SCRG1: variants seen among roughly 807,000 people sequenced by gnomAD.
The protein encoded by SCRG1 is stimulator of chondrogenesis 1.
A neutral mutation model predicts 7.7 loss-of-function variants in SCRG1; 3 were observed. The ratio of observed to expected loss-of-function variants is 0.39; its 90% CI spans 0.18 to 1.01. The LOEUF is 1.01. SCRG1 is among the 50% of genes least tolerant of loss of function. The pLI is 0.36. For synonymous variants in SCRG1, 46 were observed against 41.2 expected (o/e 1.12, Z -0.44); for missense variants, 110 against 117.2 (o/e 0.94, Z 0.28).
the SCRG1 span, among the ~76,000 whole-genome samples, chr4:173,432,370 G>A: frequency 1.5e-5 from 2 of 135,846 alleles, no homozygotes; most frequent in African/African-American, 5.6e-5. Flanking sequence ...CTATAAAAGG[G>A]AGATTCCTCT....
At position 173,386,301 on chromosome 4, in the gene SCRG1, A is replaced by ATTTTTTT. The variant is rs11302799; in HGVS notation, c.*2033_*2039dup. ...AGGCGCCTGCCACCACGCCCAGCTA[A>ATTTTTTT]TTTTTTTTTTTTTTTTTTTTGTATT... On this transcript the variant is annotated 3_prime_UTR_variant, in exon 3 of 3. Transcript: ENST00000296506. 4 of 116,998 alleles carry ATTTTTTT rather than the reference A, an allele frequency of 3.4e-5. No individual in the cohort carries two copies. The highest frequency in any genetic ancestry group is 1.2e-4 in the African/African-American group (4 of 32,572). The allele number at this position is 116,998 out of a possible 1,614,324, so 7.2% of individuals were successfully genotyped here. A position where few individuals can be genotyped will look rare whatever the true frequency, so the allele number is the denominator to read the frequency against.
At chr4:173,465,551 CCT>C in the SCRG1 span, among the ~76,000 whole-genome samples, 1 of 151,922 alleles carries the variant, frequency 6.6e-6, no homozygotes, top group Non-Finnish European at 1.5e-5. Context: ...GGATGTCCCT[CCT>C]GTGATATCAT....
the SCRG1 span, among the ~76,000 whole-genome samples, chr4:173,459,905 C>CA: frequency 1.3e-4 from 19 of 151,700 alleles, no homozygotes; most frequent in African/African-American, 4.4e-4. Flanking sequence ...GTTTCCAACA[C>CA]AAAAAAAAAA....
chr4:173,410,697 A>C (rs1367370267), upstream of SCRG1, among the ~76,000 whole-genome samples: 1 of 152,228 alleles, frequency 6.6e-6, no homozygotes, highest in Non-Finnish European at 1.5e-5. Context: ...ATCCCTACAG[A>C]TTATATTTAA....
the SCRG1 span, among the ~76,000 whole-genome samples, chr4:173,452,493 C>T: frequency 1.1e-4 from 16 of 152,022 alleles, no homozygotes; most frequent in Non-Finnish European, 1.8e-4. Context: ...TTTAGCTAGC[C>T]GCAATGTTCT....
chr4:173,491,930 G>C, the SCRG1 span, among the ~76,000 whole-genome samples: 1 of 152,100 alleles, frequency 6.6e-6, no homozygotes. Context: ...AGGAGTTTGA[G>C]ACAAGCCTGG....
the SCRG1 span, among the ~76,000 whole-genome samples, chr4:173,517,882 C>G: frequency 1.3e-5 from 2 of 152,254 alleles, no homozygotes; most frequent in Non-Finnish European, 2.9e-5. Context: ...GGCGAAAGCT[C>G]CCTCCTGGGC....
At chr4:173,403,037 A>C (rs946184621), upstream of SCRG1, 11 of 152,216 alleles carry the variant, frequency 7.2e-5, no homozygotes, top group Non-Finnish European at 1.6e-4. Flanking sequence ...AACTATATAA[A>C]GTTTCCCTTA....
At chr4:173,429,675 G>C in the SCRG1 span, among the ~76,000 whole-genome samples, 1 of 152,298 alleles carries the variant, frequency 6.6e-6, no homozygotes, top group South Asian at 2.1e-4. Context: ...ATTGTCGATT[G>C]AGACAGGCAC....
At chr4:173,503,494 T>A in the SCRG1 span, among the ~76,000 whole-genome samples, 1 of 150,780 alleles carries the variant, frequency 6.6e-6, no homozygotes, top group South Asian at 2.1e-4. This position sits in a 1 kb window ranked among gnomAD's most constrained non-coding sequence, Gnocchi z 6.4. Flanking sequence ...GGGAGGGGAG[T>A]GTTGCAAGGG....
chr4:173,389,420 C>T (rs556669258), intron 2 of SCRG1, among the ~76,000 whole-genome samples: 2 of 152,220 alleles, frequency 1.3e-5, no homozygotes, highest in South Asian at 2.1e-4. Flanking sequence ...CCTGTAGTCC[C>T]AGCTACTCGA....
At chr4:173,416,380 T>C in the SCRG1 span, among the ~76,000 whole-genome samples, 1 of 152,268 alleles carries the variant, frequency 6.6e-6, no homozygotes, top group Admixed American at 6.5e-5. Context: ...TGTGCCCATC[T>C]TGTGGCTGCT....
the SCRG1 span, among the ~76,000 whole-genome samples, chr4:173,485,044 TATATA>T: frequency 6.0e-5 from 1 of 16,732 alleles, no homozygotes; most frequent in African/African-American, 1.9e-4. Flanking sequence ...TATTATATAT[TATATA>T]ATATATTATA....
chr4:173,409,021 A>AAAAGAAAAGG (rs1477386953), upstream of SCRG1, among the ~76,000 whole-genome samples: 2 of 151,468 alleles, frequency 1.3e-5, no homozygotes, highest in Non-Finnish European at 2.9e-5. Flanking sequence ...AAAAGAAAAG[A>AAAAGAAAAGG]AAAGAAAAAG....
At chr4:173,481,910 T>C in the SCRG1 span, among the ~76,000 whole-genome samples, 1 of 152,130 alleles carries the variant, frequency 6.6e-6, no homozygotes, top group Non-Finnish European at 1.5e-5. Flanking sequence ...ACACTCAGAT[T>C]TTTGACTGCA....
upstream of SCRG1, among the ~76,000 whole-genome samples, chr4:173,401,977 G>T (rs1739773045): frequency 6.6e-6 from 1 of 152,138 alleles, no homozygotes; most frequent in African/African-American, 2.4e-5. Flanking sequence ...TTAATTTGTG[G>T]CTCAAATCTG....
chr4:173,495,767 T>A, the SCRG1 span, among the ~76,000 whole-genome samples: 1 of 152,206 alleles, frequency 6.6e-6, no homozygotes, highest in Non-Finnish European at 1.5e-5. Flanking sequence ...AAACATATCA[T>A]GGACAATTAC....
the SCRG1 span, among the ~76,000 whole-genome samples, chr4:173,426,153 T>G: frequency 6.6e-6 from 1 of 152,238 alleles, no homozygotes; most frequent in African/African-American, 2.4e-5. Context: ...TCATTTATGT[T>G]TACTTGAAAT....
At chr4:173,389,327 T>G (rs557332298) in intron 2 of SCRG1, among the ~76,000 whole-genome samples, 42 of 152,102 alleles carry the variant, frequency 2.8e-4, no homozygotes, top group South Asian at 4.2e-4. Flanking sequence ...GAGGTCAGGA[T>G]ATCGAGACCA....
Sources: gnomAD v4.1 joint callset for allele counts (sites outside exome capture counted in the v4.1 genomes callset) on GRCh38, gnomAD v4.1.1 for gene constraint, Gnocchi (gnomAD v3.1) non-coding constraint, MANE v1.5 for transcripts, NCBI Gene and HGNC (gene_info 2026-07-23, HGNC 2026-07-21) for gene names.